The following OXCT1 variants were observed in gnomAD, a reference collection of about 807,000 sequenced individuals.
OXCT1 encodes succinyl-CoA:3-ketoacid coenzyme A transferase 1, mitochondrial.
In OXCT1, 27 loss-of-function variants were observed where a neutral mutation model predicts 69.6. The ratio of observed to expected loss-of-function variants is 0.39; its 90% CI spans 0.29 to 0.54. The LOEUF is 0.54. Ranked by LOEUF, OXCT1 falls within the 20% of genes least tolerant of loss-of-function variation. The pLI is 0.72. For synonymous variants in OXCT1, 202 were observed against 217.8 expected (o/e 0.93, Z 0.64); for missense variants, 437 against 650.2 (o/e 0.67, Z 3.57).
Position 41,762,001 on chromosome 5 carries a change from G to C in OXCT1, c.1338+110C>G. 1 of 785,996 alleles carries C rather than the reference G, an allele frequency of 1.3e-6. No individual in the cohort carries two copies. Among genetic ancestry groups the C allele is most frequent in the South Asian group, 1.4e-5 (1 of 74,016 alleles). The allele number at this position is 785,996 out of a possible 1,614,324, so 48.7% of individuals were successfully genotyped here. ...TCTCAAATGTAAATGCTATCACCTTGAATGAGCCAGAGAAAATAAAATCCA... is the reference window on the plus strand; with the variant it reads ...TCTCAAATGTAAATGCTATCACCTTCAATGAGCCAGAGAAAATAAAATCCA... On this transcript the variant is annotated intron_variant, in intron 14 of 16. Transcript: ENST00000196371. This position sits in a 1 kb window ranked among gnomAD's most constrained non-coding sequence, Gnocchi z 4.0.
At position 41,750,135 on chromosome 5, in the gene OXCT1, GTTT is replaced by G. The variant is rs11291155; in HGVS notation, c.1339-531_1339-529del. On this transcript the variant is annotated intron_variant, in intron 14 of 16. Coordinates refer to ENST00000196371, the MANE Select transcript of OXCT1 (RefSeq NM_000436.4). ...GGAATCCATTCTAGTGTGTTTTTTG[GTTT>G]TTTTTTTTTTTTTTTTTTTTTTAGC... Among the ~76,000 whole-genome samples, 385 of 73,916 alleles carry G rather than the reference GTTT, an allele frequency of 5.2e-3. 2 individuals carry two copies. The highest frequency in any genetic ancestry group is 0.015 in the African/African-American group (276 of 18,406). 48.5% of individuals were successfully genotyped at this position (73,916 alleles called of 152,430 possible).
chr5:41,816,825 G>A (rs544862503), intron 7 of OXCT1, among the ~76,000 whole-genome samples: 7 of 152,040 alleles, frequency 4.6e-5, no homozygotes, highest in Non-Finnish European at 8.8e-5. Flanking sequence ...TAGTACTGCT[G>A]GAATTTCTGT....
At chr5:41,801,182 G>A (rs1746409496) in intron 10 of OXCT1, 112 bp from the exon 11 acceptor site, 1 of 848,892 alleles carries the variant, frequency 1.2e-6, no homozygotes, top group African/African-American at 1.7e-5. Context: ...ATCATCCGAA[G>A]ACTTGAGGTA....
chr5:41,840,380 A>T, intron 7 of OXCT1, 71 bp downstream of exon 7: 1 of 1,135,616 alleles, frequency 8.8e-7, no homozygotes, highest in Non-Finnish European at 1.3e-6. Context: ...GAACTGTGGT[A>T]CTTTTTCTTG....
intron 13 of OXCT1, among the ~76,000 whole-genome samples, chr5:41,782,003 G>A (rs946784668): frequency 2.0e-5 from 3 of 152,000 alleles, no homozygotes; most frequent in South Asian, 2.1e-4. Flanking sequence ...TGGTATTTCT[G>A]CCTCTAGGTC....
chr5:41,794,935 A>G (rs1746107190), intron 11 of OXCT1, among the ~76,000 whole-genome samples, 186 bp from the exon 12 acceptor site: 1 of 152,210 alleles, frequency 6.6e-6, no homozygotes, highest in Admixed American at 6.5e-5. Context: ...TGTCACTGAC[A>G]TTGCTCTTGC....
chr5:41,796,826 G>A (rs1193213063), intron 11 of OXCT1, among the ~76,000 whole-genome samples: 1 of 152,018 alleles, frequency 6.6e-6, no homozygotes, highest in East Asian at 1.9e-4. Flanking sequence ...ACAGAGAAAG[G>A]GCTTTATAAA....
chr5:41,815,050 T>C (rs1747170383), intron 7 of OXCT1, among the ~76,000 whole-genome samples: 1 of 152,042 alleles, frequency 6.6e-6, no homozygotes, highest in South Asian at 2.1e-4. Flanking sequence ...TAAAACACTC[T>C]GAACTCTAGA....
At chr5:41,736,440 ATCATATTTTT>A (rs905477484) in intron 16 of OXCT1, among the ~76,000 whole-genome samples, 64 of 152,330 alleles carry the variant, frequency 4.2e-4, no homozygotes, top group African/African-American at 1.5e-3. Context: ...GTGATTAAAA[ATCATATTTTT>A]TCCACTTTTT....
At chr5:41,794,153 G>C (rs531024330) in intron 12 of OXCT1, 75 bp from the exon 13 acceptor site, 2 of 1,053,050 alleles carry the variant, frequency 1.9e-6, no homozygotes, top group East Asian at 4.7e-5. Flanking sequence ...CCAGCAATTA[G>C]AATAACTTCA....
intron 1 of OXCT1, among the ~76,000 whole-genome samples, chr5:41,866,249 T>C (rs888610714): frequency 2.0e-5 from 3 of 152,214 alleles, no homozygotes; most frequent in African/African-American, 7.2e-5. Flanking sequence ...CTCTACCCTA[T>C]ACACACACTC....
intron 11 of OXCT1, 118 bp downstream of exon 11, chr5:41,800,904 C>T: frequency 1.1e-6 from 1 of 879,482 alleles, no homozygotes; most frequent in Non-Finnish European, 1.9e-6. Context: ...TATCTCTCCT[C>T]CTCAACAATG....
At chr5:41,807,105 C>T (rs148352768) in intron 8 of OXCT1, among the ~76,000 whole-genome samples, 128 of 152,166 alleles carry the variant, frequency 8.4e-4, no homozygotes, top group Non-Finnish European at 1.5e-3. Context: ...CCTAGAGAAT[C>T]TCATGGCATG....
intron 11 of OXCT1, among the ~76,000 whole-genome samples, chr5:41,795,232 G>A (rs1264019013): frequency 6.6e-6 from 1 of 152,176 alleles, no homozygotes; most frequent in Non-Finnish European, 1.5e-5. Flanking sequence ...TGATTTGAGA[G>A]AAGGCCAAGC....
chr5:41,816,607 C>T (rs1231474385), intron 7 of OXCT1, among the ~76,000 whole-genome samples: 1 of 151,944 alleles, frequency 6.6e-6, no homozygotes, highest in East Asian at 1.9e-4. Context: ...TCATTCTGAC[C>T]CTTGAGAGGA....
At chr5:41,833,524 G>GAAAAAAAAAAAAA (rs70988870) in intron 7 of OXCT1, among the ~76,000 whole-genome samples, 1 of 137,550 alleles carries the variant, frequency 7.3e-6, no homozygotes. Context: ...TCTTTGATCT[G>GAAAAAAAAAAAAA]AAAAAAAAAA....
chr5:41,840,590 G>A (rs905053259), intron 6 of OXCT1, 79 bp from the exon 7 acceptor site: 3 of 826,140 alleles, frequency 3.6e-6, no homozygotes, highest in Non-Finnish European at 6.1e-6. Flanking sequence ...AGGTTTTATA[G>A]ATTAGAATTT....
At chr5:41,773,919 T>C (rs949414048) in intron 13 of OXCT1, among the ~76,000 whole-genome samples, 1 of 152,182 alleles carries the variant, frequency 6.6e-6, no homozygotes, top group Non-Finnish European at 1.5e-5. Flanking sequence ...TTCCATTTCA[T>C]TTTATAGGGA....
chr5:41,747,352 T>C (rs748340849), intron 15 of OXCT1, among the ~76,000 whole-genome samples: 1 of 152,146 alleles, frequency 6.6e-6, no homozygotes, highest in Non-Finnish European at 1.5e-5. Context: ...TTCTAACTTA[T>C]GAAATTCCTA....
Sources: gnomAD v4.1 joint callset for allele counts (sites outside exome capture counted in the v4.1 genomes callset) on GRCh38, gnomAD v4.1.1 for gene constraint, Gnocchi (gnomAD v3.1) non-coding constraint, MANE v1.5 for transcripts, NCBI Gene and HGNC (gene_info 2026-07-23, HGNC 2026-07-21) for gene names.